Variants in PRCP observed in about 807,000 individuals in gnomAD.
The protein encoded by PRCP is prolylcarboxypeptidase, also known as lysosomal Pro-X carboxypeptidase.
In PRCP, 46 loss-of-function variants were observed where a neutral mutation model predicts 54.2. The ratio of observed to expected loss-of-function variants is 0.85; its 90% CI spans 0.67 to 1.09. PRCP has a LOEUF of 1.09. PRCP is among the 50% of genes least tolerant of loss of function. The probability of loss-of-function intolerance (pLI) is 0.00; values close to 1 mark genes in which losing one functional copy is unlikely to be tolerated. For synonymous variants in PRCP, 240 were observed against 212.2 expected, an observed-to-expected ratio of 1.13 and a Z score of -1.14; for missense variants, 613 against 596.8, an observed-to-expected ratio of 1.03 and a Z score of -0.28.
chr11:82,885,526 ATTATACACT>A (rs1859842754), intron 1 of PRCP, among the ~76,000 whole-genome samples: 1 of 152,236 alleles, frequency 6.6e-6, no homozygotes, highest in Non-Finnish European at 1.5e-5. Context: ...ATCCTTTTAA[ATTATACACT>A]TTATTAAATA....
At chr11:82,853,305 A>T (rs1485435618) in intron 2 of PRCP, 27 bp from the exon 3 acceptor site, 1 of 1,569,402 alleles carries the variant, frequency 6.4e-7, no homozygotes, top group Non-Finnish European at 8.7e-7. Context: ...AAATCACAGG[A>T]TAAAATCAGA....
rs372544810 is a variant in PRCP, at chr11:82,833,756, G to A, written c.1274+4631C>T. 4.6e-5 allele frequency among the ~76,000 whole-genome samples: 7 copies of A among 152,166 alleles called. No homozygotes were observed. The South Asian group carries it at 1.0e-3, about 23-fold the overall frequency. On this transcript the variant is annotated intron_variant, in intron 8 of 8. Coordinates refer to ENST00000313010, the MANE Select transcript of PRCP (RefSeq NM_005040.4). ...ATCACAACAACTTTATGGGGTGAGTGGTATTATTATTCTCACTTCACAAAG... is the reference window on the plus strand; with the variant it reads ...ATCACAACAACTTTATGGGGTGAGTAGTATTATTATTCTCACTTCACAAAG...
chr11:82,868,140 A>AT (rs1384668196), intron 1 of PRCP, among the ~76,000 whole-genome samples: 1 of 152,226 alleles, frequency 6.6e-6, no homozygotes, highest in African/African-American at 2.4e-5. Flanking sequence ...ACTGTAAAAG[A>AT]GAATGAGGGG....
At chr11:82,900,475 T>A (rs1172209549), upstream of PRCP, 1 of 1,510,466 alleles carries the variant, frequency 6.6e-7, no homozygotes. Context: ...GGCTAAGCCC[T>A]GCCCAGCCTG....
rs141233621 is a variant in PRCP at position 82,824,973 on chromosome 11, G to A, written c.1424C>T (p.Ser475Phe). ...LDPMSVLLARSLEVRHMKNWI... is the reference protein window; with the variant it reads ...LDPMSVLLARFLEVRHMKNWI... ...ATTCTTCATATGTCTAACTTCCAAG[G>A]AGCGGGCTAACAGCACAGACATAGG... is the stretch of plus-strand genomic sequence containing the variant. The change falls in exon 9 of 9, where the codon TCC becomes TTC. Residue 475 changes from serine to phenylalanine, a missense_variant. By Grantham distance (155) the Ser-to-Phe change is radical (BLOSUM62 -2). Coordinates refer to ENST00000313010, the MANE Select transcript of PRCP (RefSeq NM_005040.4). The A allele has an allele frequency of 1.2e-6, 2 of 1,614,060 alleles. No homozygotes were observed. Among genetic ancestry groups the A allele is most frequent in the African/African-American group, 2.7e-5 (2 of 75,022 alleles).
chr11:82,838,459 C>G lies in PRCP; in HGVS notation c.1202G>C (p.Arg401Thr), dbSNP rs1489685703. ...AGTAGTGATCCAGGAGGGCCTTGGT[C>G]TCACACCCCACTGTTGAAAACAGTC... Reference protein sequence around the residue: ...SDDCFQQWGVRPRPSWITTMY... With the variant: ...SDDCFQQWGVTPRPSWITTMY... The change falls in exon 8 of 9, where the codon AGA becomes ACA. Residue 401 changes from arginine to threonine, a missense_variant. Coordinates refer to ENST00000313010, the MANE Select transcript of PRCP (RefSeq NM_005040.4). The G allele has an allele frequency of 6.2e-7, 1 of 1,614,076 alleles. No homozygotes were observed. The highest frequency in any genetic ancestry group is 8.5e-7 in the Non-Finnish European group (1 of 1,179,968).
intron 1 of PRCP, among the ~76,000 whole-genome samples, chr11:82,878,082 T>G (rs978639574): frequency 6.6e-6 from 1 of 152,206 alleles, no homozygotes; most frequent in Non-Finnish European, 1.5e-5. Context: ...AAAATTTGAC[T>G]GCCCACTGGA....
chr11:82,859,849 T>TG, intron 2 of PRCP, 128 bp downstream of exon 2: 1 of 899,678 alleles, frequency 1.1e-6, no homozygotes, highest in Non-Finnish European at 1.5e-6. Flanking sequence ...TTAATTTTTT[T>TG]GTTATTTTTT....
intron 1 of PRCP, among the ~76,000 whole-genome samples, chr11:82,874,192 C>A (rs1413363547): frequency 1.3e-5 from 2 of 152,138 alleles, no homozygotes; most frequent in Admixed American, 1.3e-4. Context: ...TTTGCCACCA[C>A]GACACCAGAT....
chr11:82,866,608 A>G (rs565486109), intron 1 of PRCP, among the ~76,000 whole-genome samples: 6 of 152,344 alleles, frequency 3.9e-5, no homozygotes, highest in Non-Finnish European at 4.4e-5. Context: ...GGGAGAGTCC[A>G]TCATGGGGAA....
At chr11:82,860,826 T>G (rs1460162170) in intron 1 of PRCP, among the ~76,000 whole-genome samples, 3 of 152,130 alleles carry the variant, frequency 2.0e-5, no homozygotes, top group African/African-American at 7.2e-5. Flanking sequence ...AAATTAGGGC[T>G]TATTAGTGAA....
At chr11:82,844,555 G>T (rs947270452) in intron 6 of PRCP, among the ~76,000 whole-genome samples, 1 of 151,952 alleles carries the variant, frequency 6.6e-6, no homozygotes. Context: ...TGGCCAACAT[G>T]GTGAAACCCC....
intron 1 of PRCP, among the ~76,000 whole-genome samples, chr11:82,881,120 T>C (rs970021463): frequency 6.6e-6 from 1 of 152,226 alleles, no homozygotes; most frequent in Non-Finnish European, 1.5e-5. Context: ...ATCAGGGTTA[T>C]ATAAAATGGA....
chr11:82,889,415 G>A (rs1859948240), intron 1 of PRCP, among the ~76,000 whole-genome samples: 1 of 151,456 alleles, frequency 6.6e-6, no homozygotes, highest in Non-Finnish European at 1.5e-5. Flanking sequence ...GGAGAAGGAG[G>A]AGGGATGGAG....
intron 6 of PRCP, chr11:82,840,127 A>C (rs1858626352): frequency 6.6e-6 from 1 of 152,076 alleles, no homozygotes; most frequent in Non-Finnish European, 1.5e-5. Flanking sequence ...TCGTGTGATA[A>C]AAAGCATATG....
chr11:82,862,012 T>C (rs1475096070), intron 1 of PRCP, among the ~76,000 whole-genome samples: 2 of 152,060 alleles, frequency 1.3e-5, no homozygotes, highest in Non-Finnish European at 2.9e-5. Context: ...TTAGAGTATT[T>C]CAAATTTTGG....
chr11:82,886,608 C>T (rs1266573666), intron 1 of PRCP, among the ~76,000 whole-genome samples: 1 of 152,104 alleles, frequency 6.6e-6, no homozygotes, highest in Non-Finnish European at 1.5e-5. Flanking sequence ...AAATATAAGC[C>T]ATGAATTGTA....
At chr11:82,878,960 T>C (rs76063981) in intron 1 of PRCP, among the ~76,000 whole-genome samples, 1 of 152,252 alleles carries the variant, frequency 6.6e-6, no homozygotes, top group Non-Finnish European at 1.5e-5. Flanking sequence ...CCGGCTACCC[T>C]TAATATTTTT....
chr11:82,836,784 G>A (rs551356210), intron 8 of PRCP: 1 of 245,104 alleles, frequency 4.1e-6, no homozygotes, highest in South Asian at 4.3e-5. Context: ...CTGGGCTCAA[G>A]CAAGCCATTT....
Sources: allele counts gnomAD v4.1 joint callset (sites outside exome capture counted in the v4.1 genomes callset), GRCh38; gene constraint gnomAD v4.1.1; transcripts MANE v1.5; gene names NCBI Gene and HGNC (gene_info 2026-07-23, HGNC 2026-07-21).